The following PUS1 variants were observed in gnomAD, a reference collection of about 807,000 sequenced individuals.
The protein encoded by PUS1 is pseudouridylate synthase 1 homolog.
Under a neutral mutation model 38.5 loss-of-function variants are expected in PUS1, and 25 were observed. That is an observed-to-expected ratio of 0.65 (90% CI 0.47 to 0.91). The LOEUF (loss-of-function observed/expected upper bound fraction) is 0.91. Ranked by LOEUF, PUS1 falls within the 40% of genes least tolerant of loss-of-function variation. The probability of loss-of-function intolerance (pLI) is 0.00; values close to 1 mark genes in which losing one functional copy is unlikely to be tolerated. For synonymous variants in PUS1, 282 were observed against 260.4 expected, an observed-to-expected ratio of 1.08 and a Z score of -0.80; for missense variants, 597 against 612.3, an observed-to-expected ratio of 0.97 and a Z score of 0.26.
rs974892215 is a variant in PUS1, at chr12:131,943,677, C to T, written c.*91C>T. The T allele has an allele frequency of 1.3e-5, 14 of 1,074,762 alleles. No individual in the cohort carries two copies. Among genetic ancestry groups the T allele is most frequent in the African/African-American group, 1.2e-4 (8 of 64,520 alleles). The allele number at this position is 1,074,762 out of a possible 1,614,324, so 66.6% of individuals were successfully genotyped here. Reference sequence around the variant, plus strand: ...CCTGTGGGCAGCAAGAAGCTGGGATCGCTGCAGCCATGTTTTCCCGGCCAT... The same window carrying T: ...CCTGTGGGCAGCAAGAAGCTGGGATTGCTGCAGCCATGTTTTCCCGGCCAT... On this transcript the variant is annotated 3_prime_UTR_variant, in exon 6 of 6. Coordinates refer to ENST00000376649, the MANE Select transcript of PUS1 (RefSeq NM_025215.6).
Position 131,941,738 on chromosome 12 carries a change from C to T in PUS1, c.991C>T (p.Leu331Phe). The T allele has an allele frequency of 1.2e-6, 2 of 1,614,132 alleles. No homozygotes were observed. Among genetic ancestry groups the T allele is most frequent in the Non-Finnish European group, 1.7e-6 (2 of 1,180,028 alleles). ...GGTGGACGTGCCCAAGGCGCCCGGA[C>T]TCGGCCTGGTCCTGGAGAGGGTGCA... ...EKVDVPKAPGLGLVLERVHFE... is the reference protein window; with the variant it reads ...EKVDVPKAPGFGLVLERVHFE... The change falls in exon 5 of 6, where the codon CTC (leucine) becomes TTC (phenylalanine). Residue 331 changes from leucine (L) to phenylalanine (F), a missense_variant. Physicochemically the swap from Leu to Phe is conservative, Grantham distance 22. Coordinates refer to ENST00000376649, the MANE Select transcript of PUS1 (RefSeq NM_025215.6). This position sits in a 1 kb window ranked among gnomAD's most constrained non-coding sequence, Gnocchi z 4.4.
At chr12:131,930,237 C>T in intron 2 of PUS1, 102 bp downstream of exon 2, 1 of 701,206 alleles carries the variant, frequency 1.4e-6, no homozygotes, top group Non-Finnish European at 2.1e-6. Flanking sequence ...GGAGCGGTCG[C>T]CCAGGTAGCG....
rs114910568 is a variant in PUS1 at position 131,932,422 on chromosome 12, A to G, written c.441+110A>G. ...GCTGTTTCTGAGCACATAATGATGT[A>G]CAAATCAAACTAGCCTACGCCTTAT... On this transcript the variant is annotated intron_variant, in intron 3 of 5. Coordinates refer to ENST00000376649, the MANE Select transcript of PUS1 (RefSeq NM_025215.6). 714 of 1,293,048 alleles carry G rather than the reference A, an allele frequency of 5.5e-4. 3 individuals carry two copies. In the African/African-American group the frequency reaches 9.6e-3, roughly 17 times the overall value. 80.1% of individuals were successfully genotyped at this position (1,293,048 alleles called of 1,614,324 possible). A position where few individuals can be genotyped will look rare whatever the true frequency, so the allele number is the denominator to read the frequency against.
At chr12:131,936,450 C>T (rs1321874169) in intron 3 of PUS1, among the ~76,000 whole-genome samples, 1 of 125,026 alleles carries the variant, frequency 8.0e-6, no homozygotes, top group Non-Finnish European at 1.8e-5. Flanking sequence ...GTAATCCCAG[C>T]TACTCAGTAG....
At position 131,929,511 on chromosome 12, in the gene PUS1, C is replaced by T; in HGVS notation, c.-212C>T. Reference sequence around the variant, plus strand: ...GCGCGGGGCCTGAGAGGTCAGGGGTCAGCAGGAGTGAGGCTGGGGCGTCCA... The same window carrying T: ...GCGCGGGGCCTGAGAGGTCAGGGGTTAGCAGGAGTGAGGCTGGGGCGTCCA... On this transcript the variant is annotated 5_prime_UTR_variant, in exon 1 of 6. Transcript: ENST00000376649. 2.0e-6 allele frequency: 1 copy of T among 489,912 alleles called. No homozygotes were observed. Among genetic ancestry groups the T allele is most frequent in the Non-Finnish European group, 3.6e-6 (1 of 278,670 alleles). 30.3% of individuals were successfully genotyped at this position (489,912 alleles called of 1,614,324 possible). A position where few individuals can be genotyped will look rare whatever the true frequency, so the allele number is the denominator to read the frequency against.
intron 3 of PUS1, among the ~76,000 whole-genome samples, chr12:131,934,048 C>G (rs1469456718): frequency 6.6e-6 from 1 of 152,230 alleles, no homozygotes; most frequent in Non-Finnish European, 1.5e-5. Context: ...AGAGGAAGGA[C>G]AGCATACGTC....
At chr12:131,937,248 C>T (rs770977106) in intron 3 of PUS1, among the ~76,000 whole-genome samples, 35 of 152,188 alleles carry the variant, frequency 2.3e-4, no homozygotes, top group Admixed American at 9.8e-4. Flanking sequence ...AGAATAATGC[C>T]ATGATTCTTA....
rs551877669 is a variant in PUS1 at position 131,939,224 on chromosome 12, G to A, written c.493G>A (p.Asp165Asn). ...ATCCCTGAAGGTGTGGCTGATTGAC[G>A]ACATTCTAGAAAAGATCAACAGCCA... ...VVSLKVWLID[D>N]ILEKINSHLP... The change falls in exon 4 of 6, where the codon GAC (aspartate) becomes AAC (asparagine). Residue 165 changes from aspartate (D) to asparagine (N), a missense_variant. Transcript: ENST00000376649. The A allele has an allele frequency of 9.0e-6, 14 of 1,562,686 alleles. 1 individual carries two copies. Among genetic ancestry groups the A allele is most frequent in the Middle Eastern group, 1.7e-4 (1 of 5,866 alleles).
In PUS1 at chr12:131,929,975, C is replaced by T. The variant is rs1380697238; in HGVS notation, c.143C>T (p.Ser48Phe). The change falls in exon 2 of 6, where the codon TCC becomes TTC. Residue 48 changes from serine to phenylalanine, a missense_variant. Coordinates refer to ENST00000376649, the MANE Select transcript of PUS1 (RefSeq NM_025215.6). ...AGAACPQDRR[S>F]CSGRAGGDRV... ...GCCGCATGCCCCCAGGACCGGAGGT[C>T]CTGCAGCGGCCGGGCCGGGGGCGAC... 6.7e-6 allele frequency: 10 copies of T among 1,503,532 alleles called. No homozygotes were observed. Among genetic ancestry groups the T allele is most frequent in the Admixed American group, 2.4e-5 (1 of 41,100 alleles). 93.1% of individuals were successfully genotyped at this position (1,503,532 alleles called of 1,614,324 possible).
In PUS1 at chr12:131,941,909, G is replaced by A; in HGVS notation, c.1162G>A (p.Ala388Thr). The A allele has an allele frequency of 6.2e-7, 1 of 1,613,302 alleles. No homozygotes were observed. The highest frequency in any genetic ancestry group is 1.3e-5 in the African/African-American group (1 of 75,062). Residue 388 changes from alanine (A) to threonine (T), a missense_variant, in exon 5 of 6, where the codon GCC becomes ACC. Coordinates refer to ENST00000376649, the MANE Select transcript of PUS1 (RefSeq NM_025215.6). The surrounding 1 kb of genome is among the most constrained non-coding windows in gnomAD (Gnocchi z 4.4). ...IGTERDERSM[A>T]QWLSTLPIHN... ...CACCGAGCGGGACGAACGCTCCATGGCCCAGTGGCTGAGCACCTTGCCCAT... is the reference window on the plus strand; with the variant it reads ...CACCGAGCGGGACGAACGCTCCATGACCCAGTGGCTGAGCACCTTGCCCAT...
intron 3 of PUS1, among the ~76,000 whole-genome samples, chr12:131,936,005 A>T (rs1890811265): frequency 6.7e-6 from 1 of 149,994 alleles, no homozygotes; most frequent in Admixed American, 6.6e-5. Context: ...GAGGTCAGGA[A>T]TTCAAGACCA....
At chr12:131,939,132 A>G in intron 3 of PUS1, 41 bp from the exon 4 acceptor site, 2 of 1,373,788 alleles carry the variant, frequency 1.5e-6, no homozygotes, top group Admixed American at 2.0e-5. Flanking sequence ...TGCGAGGCCC[A>G]AGGGACCCAC....
intron 3 of PUS1, among the ~76,000 whole-genome samples, chr12:131,937,208 T>C (rs747593589): frequency 6.6e-6 from 1 of 152,226 alleles, no homozygotes; most frequent in Non-Finnish European, 1.5e-5. Context: ...CTTTTTATTT[T>C]GAAAATTTCA....
At position 131,941,539 on chromosome 12, in the gene PUS1, G is replaced by A. The variant is rs1255693238; in HGVS notation, c.792G>A (p.Leu264=). The A allele has an allele frequency of 1.9e-6, 3 of 1,614,108 alleles. No individual in the cohort carries two copies. The highest frequency in any genetic ancestry group is 2.7e-5 in the African/African-American group (2 of 74,948). The change falls in exon 5 of 6, where the codon CTG becomes CTA. Residue 264 remains leucine (L), a synonymous_variant. Coordinates refer to ENST00000376649, the MANE Select transcript of PUS1 (RefSeq NM_025215.6). This position sits in a 1 kb window ranked among gnomAD's most constrained non-coding sequence, Gnocchi z 4.4. ...PQDPSACRYI[L]EMYCEEPFVR... ...ATCCCAGTGCCTGCCGCTACATCCT[G>A]GAGATGTACTGCGAGGAACCCTTTG...
chr12:131,929,898 T>A lies in PUS1; in HGVS notation c.75-9T>A. The A allele has an allele frequency of 7.1e-7, 1 of 1,413,010 alleles. No homozygotes were observed. Among genetic ancestry groups the A allele is most frequent in the Non-Finnish European group, 9.2e-7 (1 of 1,082,028 alleles). The allele number at this position is 1,413,010 out of a possible 1,614,324, so 87.5% of individuals were successfully genotyped here. ...AGCGGGCCCCCGCTCACGCCGCCCTTCTCCGCAGCTCGCCGCGCATGGCCG... is the reference window on the plus strand; with the variant it reads ...AGCGGGCCCCCGCTCACGCCGCCCTACTCCGCAGCTCGCCGCGCATGGCCG... On this transcript the variant is annotated splice_polypyrimidine_tract_variant and intron_variant, in intron 1 of 5. Coordinates refer to ENST00000376649, the MANE Select transcript of PUS1 (RefSeq NM_025215.6).
At position 131,941,923 on chromosome 12, in the gene PUS1, C is replaced by T. The variant is rs774157536; in HGVS notation, c.1176C>T (p.Ser392=). Residue 392 remains serine (S), a synonymous_variant, in exon 5 of 6, where the codon AGC becomes AGT. Transcript: ENST00000376649. The surrounding 1 kb of genome is among the most constrained non-coding windows in gnomAD (Gnocchi z 4.4). ...AACGCTCCATGGCCCAGTGGCTGAG[C>T]ACCTTGCCCATCCACAACTTCAGTG... ...RDERSMAQWL[S]TLPIHNFSAT... 1 of 1,612,842 alleles carries T rather than the reference C, an allele frequency of 6.2e-7. No homozygotes were observed. Among genetic ancestry groups the T allele is most frequent in the Non-Finnish European group, 8.5e-7 (1 of 1,179,976 alleles).
At chr12:131,931,018 C>T (rs1466551654) in intron 2 of PUS1, among the ~76,000 whole-genome samples, 2 of 152,170 alleles carry the variant, frequency 1.3e-5, no homozygotes, top group African/African-American at 4.8e-5. Context: ...TTGCGCAGTT[C>T]TGTGTTCTTT....
chr12:131,930,054 C>T lies in PUS1; in HGVS notation c.222C>T (p.Asp74=), dbSNP rs779372885. The part of the protein sequence containing the change: ...HPAKKLKSGG[D]EERREKPPKR... ...CGAAGAAGCTCAAGAGCGGTGGCGA[C>T]GAGGAGCGGCGCGAGAAGCCGCCCA... is the stretch of plus-strand genomic sequence containing the variant. The change falls in exon 2 of 6, where the codon GAC becomes GAT. Residue 74 remains aspartate (D), a synonymous_variant. Transcript: ENST00000376649. 4.2e-6 allele frequency: 6 copies of T among 1,440,192 alleles called. No homozygotes were observed. Among genetic ancestry groups the T allele is most frequent in the South Asian group, 1.6e-5 (1 of 64,414 alleles). The allele number at this position is 1,440,192 out of a possible 1,614,324, so 89.2% of individuals were successfully genotyped here.
intron 2 of PUS1, 154 bp from the exon 3 acceptor site, chr12:131,932,019 CAG>C (rs1329942061): frequency 5.5e-6 from 4 of 729,992 alleles, no homozygotes; most frequent in African/African-American, 1.7e-5. Flanking sequence ...GAGCAGAAAA[CAG>C]TGTTTTCACA....
Sources: allele counts gnomAD v4.1 joint callset (sites outside exome capture counted in the v4.1 genomes callset), GRCh38; gene constraint gnomAD v4.1.1; non-coding constraint Gnocchi (gnomAD v3.1); transcripts MANE v1.5; gene names NCBI Gene and HGNC (gene_info 2026-07-23, HGNC 2026-07-21).